Variants in TAFA1 observed in about 807,000 individuals in gnomAD.
The protein encoded by TAFA1 is TAFA chemokine like family member 1.
In TAFA1, 4 loss-of-function variants were observed where a neutral mutation model predicts 18.5. That is an observed-to-expected ratio of 0.22 (90% CI 0.11 to 0.49). TAFA1 has a LOEUF of 0.49. Among genes scored for constraint, TAFA1 ranks in the 20% least tolerant of loss-of-function variants. The probability of loss-of-function intolerance (pLI) is 0.98; values close to 1 mark genes in which losing one functional copy is unlikely to be tolerated. For synonymous variants in TAFA1, 56 were observed against 55.2 expected, an observed-to-expected ratio of 1.01 and a Z score of -0.06; for missense variants, 147 against 169.0, an observed-to-expected ratio of 0.87 and a Z score of 0.72.
intron 3 of TAFA1, among the ~76,000 whole-genome samples, chr3:68,525,219 G>A (rs1047051324): frequency 3.9e-5 from 6 of 152,094 alleles, no homozygotes; most frequent in Admixed American, 1.3e-4. Context: ...ATTTCGAAGC[G>A]TCAGTATGGA....
intron 2 of TAFA1, among the ~76,000 whole-genome samples, chr3:68,033,719 C>A (rs888871226): frequency 6.6e-6 from 1 of 152,122 alleles, no homozygotes; most frequent in Admixed American, 6.5e-5. Flanking sequence ...AGTATTTCTT[C>A]TTTTCTGTAG....
chr3:68,087,385 A>G (rs1250098134), intron 2 of TAFA1, among the ~76,000 whole-genome samples: 2 of 152,216 alleles, frequency 1.3e-5, no homozygotes, highest in African/African-American at 4.8e-5. Flanking sequence ...AATTTAAAAA[A>G]TAATAATTAA....
At chr3:68,136,843 C>T (rs187822658) in intron 2 of TAFA1, among the ~76,000 whole-genome samples, 3 of 152,214 alleles carry the variant, frequency 2.0e-5, no homozygotes, top group Admixed American at 1.3e-4. Context: ...TGGTTTGGAT[C>T]AATTAATCTG....
At chr3:68,375,377 C>T (rs1241771250) in intron 2 of TAFA1, among the ~76,000 whole-genome samples, 1 of 152,154 alleles carries the variant, frequency 6.6e-6, no homozygotes, top group Non-Finnish European at 1.5e-5. Flanking sequence ...TCATTAAGTG[C>T]TGGCTTATCC....
intron 3 of TAFA1, among the ~76,000 whole-genome samples, chr3:68,465,285 G>A (rs2106933248): frequency 6.6e-6 from 1 of 152,256 alleles, no homozygotes; most frequent in East Asian, 1.9e-4. Flanking sequence ...ACCATATAGT[G>A]ACCAAACTCA....
intron 2 of TAFA1, among the ~76,000 whole-genome samples, chr3:68,401,959 C>A (rs556784893): frequency 2.6e-5 from 4 of 152,340 alleles, no homozygotes; most frequent in Admixed American, 2.6e-4. Context: ...ACATTAATAA[C>A]TGCTACAGCT....
intron 2 of TAFA1, among the ~76,000 whole-genome samples, chr3:68,244,751 G>C (rs2067044278): frequency 6.6e-6 from 1 of 152,086 alleles, no homozygotes; most frequent in South Asian, 2.1e-4. Context: ...AAGTATTTGA[G>C]CACCCACCCT....
At chr3:68,541,893 A>G (rs922435196) in intron 4 of TAFA1, among the ~76,000 whole-genome samples, 1 of 152,178 alleles carries the variant, frequency 6.6e-6, no homozygotes, top group African/African-American at 2.4e-5. Flanking sequence ...AATGTTTCAA[A>G]GTCTGATCTA....
At chr3:68,079,809 T>C (rs1404188027) in intron 2 of TAFA1, among the ~76,000 whole-genome samples, 1 of 152,170 alleles carries the variant, frequency 6.6e-6, no homozygotes, top group Admixed American at 6.5e-5. Context: ...GGTGGAGAGC[T>C]CTGTAGATGT....
intron 2 of TAFA1, among the ~76,000 whole-genome samples, chr3:68,400,948 G>C (rs2070475744): frequency 6.6e-6 from 1 of 152,122 alleles, no homozygotes; most frequent in African/African-American, 2.4e-5. Flanking sequence ...GAATGTGTGG[G>C]CAAATTACTG....
At chr3:68,508,315 A>AG (rs2072793213) in intron 3 of TAFA1, among the ~76,000 whole-genome samples, 1 of 151,990 alleles carries the variant, frequency 6.6e-6, no homozygotes, top group Non-Finnish European at 1.5e-5. Flanking sequence ...GTGAATTTCA[A>AG]GGGGACATAA....
intron 2 of TAFA1, among the ~76,000 whole-genome samples, chr3:68,090,864 C>G (rs779573957): frequency 2.6e-5 from 4 of 152,128 alleles, no homozygotes; most frequent in Non-Finnish European, 5.9e-5. Flanking sequence ...AAGACTTTTG[C>G]TTCTTTGAAT....
At chr3:68,510,722 G>A (rs1384883351) in intron 3 of TAFA1, among the ~76,000 whole-genome samples, 1 of 152,060 alleles carries the variant, frequency 6.6e-6, no homozygotes, top group Non-Finnish European at 1.5e-5. Flanking sequence ...ACAACAGAGG[G>A]CAGATGTACA....
At chr3:68,364,847 CT>C (rs1264266686) in intron 2 of TAFA1, among the ~76,000 whole-genome samples, 1 of 152,044 alleles carries the variant, frequency 6.6e-6, no homozygotes, top group African/African-American at 2.4e-5. Context: ...TATTTTTATC[CT>C]CATTTTATAA....
At chr3:68,537,141 A>G (rs1175837335) in intron 3 of TAFA1, among the ~76,000 whole-genome samples, 2 of 152,178 alleles carry the variant, frequency 1.3e-5, no homozygotes, top group Admixed American at 1.3e-4. Flanking sequence ...AAATAGTGCA[A>G]GATCTGTGCT....
chr3:68,111,226 A>T (rs1163216399), intron 2 of TAFA1, among the ~76,000 whole-genome samples: 2 of 152,206 alleles, frequency 1.3e-5, no homozygotes, highest in African/African-American at 4.8e-5. Flanking sequence ...GGGTAGGTGC[A>T]ATCTACTAGT....
intron 2 of TAFA1, among the ~76,000 whole-genome samples, chr3:68,112,542 A>AC (rs1273680305): frequency 6.6e-6 from 1 of 151,986 alleles, no homozygotes; most frequent in Non-Finnish European, 1.5e-5. Flanking sequence ...TTAAATATTG[A>AC]CCCCCTCCCC....
rs1255578747 is a variant in TAFA1 at position 68,186,823 on chromosome 3, G to C, written c.118+180079G>C. On this transcript the variant is annotated intron_variant, in intron 2 of 4. Transcript: ENST00000478136. ...GCTCCAGGCTGCTGAGGAAGCTCAA[G>C]CTTTTGGGATGGCCTTTAATTTCTC... is the stretch of plus-strand genomic sequence containing the variant. 3.3e-5 allele frequency among the ~76,000 whole-genome samples: 5 copies of C among 152,184 alleles called. No homozygotes were observed. The East Asian group carries it at 7.8e-4, about 24-fold the overall frequency.
At chr3:68,305,722 G>A (rs1328821149) in intron 2 of TAFA1, among the ~76,000 whole-genome samples, 1 of 151,732 alleles carries the variant, frequency 6.6e-6, no homozygotes, top group Non-Finnish European at 1.5e-5. Context: ...TATCACCAAG[G>A]GAAGAGGATA....
Sources: gnomAD v4.1 joint callset for allele counts (sites outside exome capture counted in the v4.1 genomes callset) on GRCh38, gnomAD v4.1.1 for gene constraint, MANE v1.5 for transcripts, NCBI Gene and HGNC (gene_info 2026-07-23, HGNC 2026-07-21) for gene names.